Variants in SEC22A observed in about 807,000 individuals in gnomAD.
SEC22A encodes SEC22 homolog A, vesicle trafficking protein, also known as vesicle-trafficking protein SEC22a.
SEC22A carries 22 observed loss-of-function variants against 35.3 expected under a neutral mutation model. The observed-to-expected ratio is 0.62, with a 90% confidence interval of 0.45 to 0.89. The LOEUF (loss-of-function observed/expected upper bound fraction) is 0.89. SEC22A is among the 40% of genes least tolerant of loss of function. The pLI is 0.00. For missense variants in SEC22A, 354 were observed against 362.5 expected (o/e 0.98, Z 0.19); for synonymous variants, 119 against 129.5 (o/e 0.92, Z 0.55).
intron 4 of SEC22A, among the ~76,000 whole-genome samples, chr3:123,226,000 C>T (rs1012498393): frequency 1.3e-5 from 2 of 152,204 alleles, no homozygotes; most frequent in African/African-American, 4.8e-5. Context: ...TCCTCCAGTT[C>T]ATCCGTGCTG....
intron 2 of SEC22A, among the ~76,000 whole-genome samples, chr3:123,221,852 T>G (rs1410152712): frequency 6.6e-6 from 1 of 152,184 alleles, no homozygotes; most frequent in South Asian, 2.1e-4. Flanking sequence ...TTGGTCAACA[T>G]TTTACCACAT....
chr3:123,205,105 T>C (rs1279943300), intron 1 of SEC22A, among the ~76,000 whole-genome samples: 2 of 152,106 alleles, frequency 1.3e-5, no homozygotes, highest in Non-Finnish European at 2.9e-5. Context: ...AGTAGGGGTA[T>C]GTTTATTGAA....
intron 2 of SEC22A, among the ~76,000 whole-genome samples, chr3:123,211,948 T>A (rs1245670875): frequency 6.6e-6 from 1 of 152,124 alleles, no homozygotes; most frequent in Non-Finnish European, 1.5e-5. Flanking sequence ...TCCCAGCTAC[T>A]GTGGCGACAT....
chr3:123,256,920 C>A (rs374435685), intron 5 of SEC22A, among the ~76,000 whole-genome samples: 1 of 151,778 alleles, frequency 6.6e-6, no homozygotes, highest in Non-Finnish European at 1.5e-5. Context: ...CCACCACGCC[C>A]GGCTAATTTT....
In SEC22A at chr3:123,232,859, G is replaced by A. The variant is rs546819785; in HGVS notation, c.541+7562G>A. 4.6e-5 allele frequency among the ~76,000 whole-genome samples: 7 copies of A among 152,226 alleles called. No individual in the cohort carries two copies. The South Asian group carries it at 6.2e-4, about 14-fold the overall frequency. ...ACGTATTTAAAAAATTAGGCCAGGC[G>A]CTGTGGTTCATGCCTATAATCCCAG... On this transcript the variant is annotated intron_variant, in intron 4 of 6. Transcript: ENST00000492595.
intron 2 of SEC22A, among the ~76,000 whole-genome samples, chr3:123,222,280 C>T (rs896885807): frequency 6.6e-6 from 1 of 152,054 alleles, no homozygotes; most frequent in Non-Finnish European, 1.5e-5. Context: ...CTCTTTGCAA[C>T]CTCCACCTCC....
intron 5 of SEC22A, among the ~76,000 whole-genome samples, chr3:123,257,431 T>C (rs990326663): frequency 2.0e-5 from 3 of 152,110 alleles, no homozygotes; most frequent in Non-Finnish European, 4.4e-5. Flanking sequence ...GCACGGTGGC[T>C]CACGCCTGTA....
At chr3:123,209,830 T>C (rs1936909526) in intron 2 of SEC22A, among the ~76,000 whole-genome samples, 1 of 152,182 alleles carries the variant, frequency 6.6e-6, no homozygotes, top group Admixed American at 6.5e-5. Flanking sequence ...AGAGAGTGAC[T>C]ATTTATTGTG....
intron 4 of SEC22A, among the ~76,000 whole-genome samples, chr3:123,230,097 A>G (rs1040165538): frequency 1.3e-5 from 2 of 151,576 alleles, no homozygotes; most frequent in Admixed American, 1.3e-4. Context: ...GCAGTGAGGT[A>G]GGCTGCCCTC....
In SEC22A at chr3:123,272,036, T is replaced by G; in HGVS notation, c.*314T>G. 1 of 326,296 alleles carries G rather than the reference T, an allele frequency of 3.1e-6. No homozygotes were observed. The highest frequency in any genetic ancestry group is 5.7e-6 in the Non-Finnish European group (1 of 176,272). The allele number at this position is 326,296 out of a possible 1,614,324, so 20.2% of individuals were successfully genotyped here. A position where few individuals can be genotyped will look rare whatever the true frequency, so the allele number is the denominator to read the frequency against. ...AATCCTTCCTGAAGAGTTCAGAAAA[T>G]AGATGTGGTATTGCTCTGAGGACCA... On this transcript the variant is annotated 3_prime_UTR_variant, in exon 7 of 7. Transcript: ENST00000492595.
Position 123,225,276 on chromosome 3 carries a change from G to C in SEC22A, c.520G>C (p.Gly174Arg), listed in dbSNP as rs770938995. 6.2e-7 allele frequency: 1 copy of C among 1,608,234 alleles called. No homozygotes were observed. Among genetic ancestry groups the C allele is most frequent in the Non-Finnish European group, 8.5e-7 (1 of 1,176,530 alleles). The part of the protein sequence containing the change: ...VTSAFSVDCK[G>R]AGKISSAHQR... ...ATCAGCATTTTCTGTTGACTGTAAA[G>C]GTGCTGGTAAGATTTCTTCTGGTGA... Residue 174 changes from glycine (G) to arginine (R), a missense_variant, in exon 4 of 7, where the codon GGT (glycine) becomes CGT (arginine). Coordinates refer to ENST00000492595, the MANE Select transcript of SEC22A (RefSeq NM_012430.5).
chr3:123,254,072 CT>C lies in SEC22A; in HGVS notation c.658-5446del, dbSNP rs930685028. On this transcript the variant is annotated intron_variant, in intron 5 of 6. Coordinates refer to ENST00000492595, the MANE Select transcript of SEC22A (RefSeq NM_012430.5). Reference sequence around the variant, plus strand: ...TACATGTACATGTATCCATTATGTCCTTTTTTCACTTAATATTAAAAAGTAA... The same window carrying C: ...TACATGTACATGTATCCATTATGTCCTTTTTCACTTAATATTAAAAAGTAA... 3.9e-5 allele frequency among the ~76,000 whole-genome samples: 6 copies of C among 152,016 alleles called. No individual in the cohort carries two copies. The East Asian group carries it at 1.2e-3, about 29-fold the overall frequency.
intron 5 of SEC22A, among the ~76,000 whole-genome samples, chr3:123,258,414 T>C (rs75597045): frequency 1.7e-4 from 26 of 152,276 alleles, no homozygotes; most frequent in Non-Finnish European, 3.1e-4. Context: ...AAAAAGGTCA[T>C]TTAAAAAGTA....
rs1410666321 is a variant in SEC22A at position 123,234,209 on chromosome 3, TAGAG to T, written c.541+8916_541+8919del. On this transcript the variant is annotated intron_variant, in intron 4 of 6. Coordinates refer to ENST00000492595, the MANE Select transcript of SEC22A (RefSeq NM_012430.5). ...TACATGGTTGTACTTCCCAAATTAA[TAGAG>T]AGATTCAGCACATTCTTTATAAAAA... Among the ~76,000 whole-genome samples the T allele has an allele frequency of 3.3e-5, 5 of 152,228 alleles. No homozygotes were observed. The East Asian group carries it at 5.8e-4, about 18-fold the overall frequency.
At chr3:123,210,991 G>C (rs755229491) in intron 2 of SEC22A, among the ~76,000 whole-genome samples, 1 of 152,090 alleles carries the variant, frequency 6.6e-6, no homozygotes, top group Non-Finnish European at 1.5e-5. Flanking sequence ...AATCATTGTG[G>C]GGCCAGATCC....
chr3:123,219,825 C>T lies in SEC22A; in HGVS notation c.183-3734C>T, dbSNP rs187405647. Among the ~76,000 whole-genome samples, 352 of 152,216 alleles carry T rather than the reference C, an allele frequency of 2.3e-3. 3 individuals carry two copies. Among genetic ancestry groups the T allele is most frequent in the African/African-American group, 5.0e-3 (209 of 41,528 alleles). On this transcript the variant is annotated intron_variant, in intron 2 of 6. Coordinates refer to ENST00000492595, the MANE Select transcript of SEC22A (RefSeq NM_012430.5). ...ACTTTAGACTATTTTATGAGTAGTC[C>T]TCAGTGAAGTGGTGGGAGTATTTCA...
intron 6 of SEC22A, among the ~76,000 whole-genome samples, chr3:123,266,658 A>T (rs9871596): frequency 0.2 from 29,911 of 152,054 alleles, 3,048 homozygotes; most frequent in Middle Eastern, 0.27. Context: ...TTGTGTGATT[A>T]CACTTCTTTT....
At chr3:123,209,090 G>A in intron 1 of SEC22A, 109 bp from the exon 2 acceptor site, 1 of 829,320 alleles carries the variant, frequency 1.2e-6, no homozygotes, top group Admixed American at 2.1e-5. Context: ...ACCACACCTG[G>A]CCATTTTAAT....
intron 3 of SEC22A, among the ~76,000 whole-genome samples, chr3:123,224,604 T>G (rs1029965042): frequency 3.3e-5 from 5 of 152,128 alleles, no homozygotes; most frequent in Admixed American, 6.6e-5. Flanking sequence ...GAGACCACCC[T>G]GGGCAACATA....
Sources: gnomAD v4.1 joint callset for allele counts (sites outside exome capture counted in the v4.1 genomes callset) on GRCh38, gnomAD v4.1.1 for gene constraint, MANE v1.5 for transcripts, NCBI Gene and HGNC (gene_info 2026-07-23, HGNC 2026-07-21) for gene names.